ATXN1: variants seen among roughly 807,000 people sequenced by gnomAD.
The protein encoded by ATXN1 is ataxin 1.
A neutral mutation model predicts 56.4 loss-of-function variants in ATXN1; 8 were observed. That is an observed-to-expected ratio of 0.14 (90% CI 0.08 to 0.26). ATXN1 has a LOEUF of 0.26. ATXN1 is among the 10% of genes least tolerant of loss of function. The pLI is 1.00. For synonymous variants in ATXN1, 514 were observed against 494.6 expected, an observed-to-expected ratio of 1.04 and a Z score of -0.52; for missense variants, 987 against 1,106.5, an observed-to-expected ratio of 0.89 and a Z score of 1.53.
intron 4 of ATXN1, among the ~76,000 whole-genome samples, chr6:16,574,970 C>T (rs1374411963): frequency 2.0e-5 from 3 of 150,424 alleles, no homozygotes; most frequent in Admixed American, 6.6e-5. Flanking sequence ...GTTATTTTTT[C>T]GAATGTCCTT....
At chr6:16,423,155 C>A (rs1474149359) in intron 6 of ATXN1, among the ~76,000 whole-genome samples, 1 of 152,170 alleles carries the variant, frequency 6.6e-6, no homozygotes. Flanking sequence ...TGGCTCTGTT[C>A]AGTTATTGTT....
chr6:16,392,637 AG>A (rs1452667008), intron 6 of ATXN1, among the ~76,000 whole-genome samples: 1 of 152,062 alleles, frequency 6.6e-6, no homozygotes, highest in Non-Finnish European at 1.5e-5. Flanking sequence ...CTGGGATTAC[AG>A]GCGCCCGCCA....
At chr6:16,391,035 G>T (rs1294466649) in intron 6 of ATXN1, among the ~76,000 whole-genome samples, 1 of 151,794 alleles carries the variant, frequency 6.6e-6, no homozygotes, top group South Asian at 2.1e-4. Context: ...AGGAGCACAC[G>T]TCTGTAATCC....
At chr6:16,340,610 G>A (rs1761224414) in intron 6 of ATXN1, among the ~76,000 whole-genome samples, 1 of 152,178 alleles carries the variant, frequency 6.6e-6, no homozygotes, top group South Asian at 2.1e-4. Context: ...AACGGAGGGT[G>A]GTCTGGGAAA....
intron 6 of ATXN1, 86 bp downstream of exon 6, chr6:16,485,886 T>G (rs1760533420): frequency 6.6e-6 from 1 of 152,198 alleles, no homozygotes; most frequent in Non-Finnish European, 1.5e-5. Flanking sequence ...CTAATACCCC[T>G]TCAACACCTG....
intron 3 of ATXN1, among the ~76,000 whole-genome samples, chr6:16,591,911 T>C (rs915357668): frequency 6.6e-6 from 1 of 152,204 alleles, no homozygotes; most frequent in Admixed American, 6.5e-5. Context: ...CACTTCCAGA[T>C]GCATCAGCAT....
chr6:16,326,831 C>G lies in ATXN1; in HGVS notation c.1480G>C (p.Val494Leu). The change falls in exon 7 of 8, where the codon GTC (valine) becomes CTC (leucine). Residue 494 changes from valine (V) to leucine (L), a missense_variant. By Grantham distance (32) the Val-to-Leu change is conservative. This residue lies in a region of ATXN1 where 723 missense variants were observed against 791.7 expected (regional missense o/e 0.91). Coordinates refer to ENST00000436367, the MANE Select transcript of ATXN1 (RefSeq NM_001128164.2). The surrounding 1 kb of genome is among the most constrained non-coding windows in gnomAD (Gnocchi z 6.6). ...IPGTQPLLIP[V>L]GSTDMEASGA... ...GACGCTTCCATGTCAGTGCTGCCGA[C>G]CGGGATGAGCAGGGGCTGTGTGCCG... 1 of 1,607,492 alleles carries G rather than the reference C, an allele frequency of 6.2e-7. No individual in the cohort carries two copies.
intron 6 of ATXN1, among the ~76,000 whole-genome samples, chr6:16,351,611 C>A (rs1335069801): frequency 6.6e-6 from 1 of 152,102 alleles, no homozygotes; most frequent in East Asian, 1.9e-4. Context: ...CCATGTTGTC[C>A]AGGCTTGTCT....
chr6:16,306,654 A>C lies in ATXN1; in HGVS notation c.2123T>G (p.Leu708Arg), dbSNP rs539483957. ...CAGGCCGTCGGCCTTTGAGTGCTTC[A>C]GCAGGACGCTGGCGGGATCCACGGG... ...GQPVDPASVL[L>R]KHSKADGLAG... Residue 708 changes from leucine (L) to arginine (R), a missense_variant, in exon 8 of 8, where the codon CTG becomes CGG. By Grantham distance (102) the Leu-to-Arg change is moderately radical (BLOSUM62 -2). This residue lies in a region of ATXN1 where 196 missense variants were observed against 196.7 expected (regional missense o/e 1.00). Coordinates refer to ENST00000436367, the MANE Select transcript of ATXN1 (RefSeq NM_001128164.2). The surrounding 1 kb of genome is among the most constrained non-coding windows in gnomAD (Gnocchi z 5.2). The C allele has an allele frequency of 6.2e-7, 1 of 1,614,218 alleles. No individual in the cohort carries two copies. The highest frequency in any genetic ancestry group is 8.5e-7 in the Non-Finnish European group (1 of 1,180,042).
chr6:16,445,299 A>C (rs139134201), intron 6 of ATXN1, among the ~76,000 whole-genome samples: 180 of 152,242 alleles, frequency 1.2e-3, no homozygotes, highest in African/African-American at 4.2e-3. Context: ...ATTTATAGAA[A>C]TAGTAAAATA....
intron 4 of ATXN1, among the ~76,000 whole-genome samples, chr6:16,534,707 C>T (rs148224743): frequency 2.6e-5 from 4 of 152,076 alleles, no homozygotes; most frequent in Admixed American, 6.5e-5. Context: ...CTAAAATAAA[C>T]CCAAGAAGCA....
chr6:16,442,937 A>T (rs1759547992), intron 6 of ATXN1, among the ~76,000 whole-genome samples: 1 of 152,110 alleles, frequency 6.6e-6, no homozygotes, highest in Non-Finnish European at 1.5e-5. Flanking sequence ...GCTTAAACCC[A>T]GGAGGGTGAG....
At chr6:16,566,697 CA>C (rs749638304) in intron 4 of ATXN1, among the ~76,000 whole-genome samples, 10 of 150,984 alleles carry the variant, frequency 6.6e-5, no homozygotes, top group Middle Eastern at 3.4e-3. Context: ...ACTAAAAATA[CA>C]AAAAAAAATT....
intron 3 of ATXN1, among the ~76,000 whole-genome samples, chr6:16,621,443 C>T (rs1012886947): frequency 2.6e-5 from 4 of 152,198 alleles, no homozygotes; most frequent in Non-Finnish European, 5.9e-5. Flanking sequence ...TAAACAAGGC[C>T]AGGCCCGGCG....
chr6:16,407,299 G>T (rs1313640330), intron 6 of ATXN1, among the ~76,000 whole-genome samples: 1 of 152,170 alleles, frequency 6.6e-6, no homozygotes, highest in Non-Finnish European at 1.5e-5. Flanking sequence ...CTCCTCTAAG[G>T]ATATGCCTTT....
At chr6:16,311,584 T>C (rs1031167630) in intron 7 of ATXN1, among the ~76,000 whole-genome samples, 1 of 152,244 alleles carries the variant, frequency 6.6e-6, no homozygotes, top group Non-Finnish European at 1.5e-5. Flanking sequence ...GTTTCAAAAC[T>C]ACATTTACAT....
At position 16,328,459 on chromosome 6, in the gene ATXN1, C is replaced by T; in HGVS notation, c.-149G>A. ...CCCCGTGGGTACAATCCGCCAACAG[C>T]AGCTCTGGATGCTGGGAAAGGGAAG... On this transcript the variant is annotated 5_prime_UTR_variant, in exon 7 of 8. Transcript: ENST00000436367. The surrounding 1 kb of genome is among the most constrained non-coding windows in gnomAD (Gnocchi z 6.2). 7.8e-7 allele frequency: 1 copy of T among 1,284,838 alleles called. No homozygotes were observed. The allele number at this position is 1,284,838 out of a possible 1,614,324, so 79.6% of individuals were successfully genotyped here. A position where few individuals can be genotyped will look rare whatever the true frequency, so the allele number is the denominator to read the frequency against.
intron 7 of ATXN1, among the ~76,000 whole-genome samples, chr6:16,318,527 G>A (rs1183313018): frequency 6.6e-6 from 1 of 152,078 alleles, no homozygotes; most frequent in Non-Finnish European, 1.5e-5. Context: ...GGGGGTAAGC[G>A]AGAGACCCAT....
intron 2 of ATXN1, among the ~76,000 whole-genome samples, chr6:16,709,017 C>T (rs1581383915): frequency 7.7e-6 from 1 of 129,298 alleles, no homozygotes; most frequent in Admixed American, 8.3e-5. Context: ...AAGAGCGAAA[C>T]TCTGTCTCAA....
Sources: allele counts gnomAD v4.1 joint callset (sites outside exome capture counted in the v4.1 genomes callset), GRCh38; gene constraint gnomAD v4.1.1; regional missense constraint gnomAD v4.1.1; non-coding constraint Gnocchi (gnomAD v3.1); transcripts MANE v1.5; gene names NCBI Gene and HGNC (gene_info 2026-07-23, HGNC 2026-07-21).